PCDHGA1: variants seen among roughly 807,000 people sequenced by gnomAD.
PCDHGA1 encodes the protein protocadherin gamma-A1.
A neutral mutation model predicts 58.0 loss-of-function variants in PCDHGA1; 32 were observed. The observed-to-expected ratio is 0.55, with a 90% CI of 0.42 to 0.74. The LOEUF (loss-of-function observed/expected upper bound fraction) is 0.74. Ranked by LOEUF, PCDHGA1 falls within the 30% of genes least tolerant of loss-of-function variation. The pLI is 0.00. For missense variants in PCDHGA1, 1,205 were observed against 1,182.3 expected, an observed-to-expected ratio of 1.02 and a Z score of -0.28; for synonymous variants, 498 against 501.1, an observed-to-expected ratio of 0.99 and a Z score of 0.08.
chr5:141,424,504 G>A (rs1357608806), intron 1 of PCDHGA1: 2 of 152,134 alleles, frequency 1.3e-5, no homozygotes, highest in East Asian at 1.9e-4. Flanking sequence ...TGTATGGAAG[G>A]TTTTTTAATG....
At chr5:141,355,864 C>A in intron 1 of PCDHGA1, 6 of 1,612,570 alleles carry the variant, frequency 3.7e-6, no homozygotes, top group South Asian at 3.3e-5. Flanking sequence ...TGACCCGGTT[C>A]GCTCTGGCAC....
At chr5:141,409,447 A>G (rs764648085) in intron 1 of PCDHGA1, 3 of 1,614,008 alleles carry the variant, frequency 1.9e-6, no homozygotes, top group Admixed American at 1.7e-5. Flanking sequence ...GAGAGCAGAC[A>G]CCAGAATACA....
In PCDHGA1 at chr5:141,485,219, A is replaced by C. The variant is rs954128321; in HGVS notation, c.2422-9588A>C. 20 of 1,613,930 alleles carry C rather than the reference A, an allele frequency of 1.2e-5. No individual in the cohort carries two copies. The highest frequency in any genetic ancestry group is 1.6e-5 in the Non-Finnish European group (19 of 1,179,944). On this transcript the variant is annotated intron_variant, in intron 1 of 3. Coordinates refer to ENST00000517417, the MANE Select transcript of PCDHGA1 (RefSeq NM_018912.3). The surrounding 1 kb of genome is among the most constrained non-coding windows in gnomAD (Gnocchi z 5.7). The stretch of plus-strand genomic sequence containing the variant: ...CTGGACAGAAATCTGGCGGTGGGCT[A>C]CCCTTTTGTTCCTCTTTTACCACCT...
At chr5:141,338,960 G>C (rs780062832) in intron 1 of PCDHGA1, 1 of 1,524,800 alleles carries the variant, frequency 6.6e-7, no homozygotes, top group East Asian at 2.3e-5. Flanking sequence ...AGAAAATTGC[G>C]ACAGGAGGGA....
chr5:141,339,716 A>T lies in PCDHGA1; in HGVS notation c.2421+6611A>T, dbSNP rs150706052. Reference sequence around the variant, plus strand: ...TGTTTTTACACAGCCCGAGTACCGCATAAGCATTCCGGAGAATACGCTCGT... The same window carrying T: ...TGTTTTTACACAGCCCGAGTACCGCTTAAGCATTCCGGAGAATACGCTCGT... On this transcript the variant is annotated intron_variant, in intron 1 of 3. Coordinates refer to ENST00000517417, the MANE Select transcript of PCDHGA1 (RefSeq NM_018912.3). The T allele has an allele frequency of 5.1e-3, 8,256 of 1,614,180 alleles. 45 individuals carry two copies. The highest frequency in any genetic ancestry group is 9.4e-3 in the Admixed American group (562 of 60,022).
At position 141,491,134 on chromosome 5, in the gene PCDHGA1, C is replaced by T. The variant is rs1594979273; in HGVS notation, c.2422-3673C>T. Reference sequence around the variant, plus strand: ...ACACACTGGTGAGGTGCGCACAGCCCGGGCCTTACTGGAGGATGACTCTGA... The same window carrying T: ...ACACACTGGTGAGGTGCGCACAGCCTGGGCCTTACTGGAGGATGACTCTGA... On this transcript the variant is annotated intron_variant, in intron 1 of 3. Transcript: ENST00000517417. The surrounding 1 kb of genome is among the most constrained non-coding windows in gnomAD (Gnocchi z 6.9). The T allele has an allele frequency of 6.2e-7, 1 of 1,614,138 alleles. No homozygotes were observed. Among genetic ancestry groups the T allele is most frequent in the Non-Finnish European group, 8.5e-7 (1 of 1,179,994 alleles).
At chr5:141,427,396 A>G (rs1303085720) in intron 1 of PCDHGA1, 1 of 460,578 alleles carries the variant, frequency 2.2e-6, no homozygotes, top group Non-Finnish European at 4.4e-6. Context: ...AAAACACATG[A>G]TAAAGATTCG....
At chr5:141,420,770 T>G (rs1485978181) in intron 1 of PCDHGA1, among the ~76,000 whole-genome samples, 1 of 152,202 alleles carries the variant, frequency 6.6e-6, no homozygotes, top group Non-Finnish European at 1.5e-5. Flanking sequence ...AGTTTTCAGC[T>G]CCAGTAATAT....
chr5:141,432,652 C>T lies in PCDHGA1; in HGVS notation c.2422-62155C>T, dbSNP rs1004936183. On this transcript the variant is annotated intron_variant, in intron 1 of 3. Transcript: ENST00000517417. This position sits in a 1 kb window ranked among gnomAD's most constrained non-coding sequence, Gnocchi z 6.0. ...CGGGCGAGGTGCGCACGGCGCGAGC[C>T]CTGCTGGACAGAGACGCGCTCAAGC... The T allele has an allele frequency of 6.2e-7, 1 of 1,613,836 alleles. No individual in the cohort carries two copies. Among genetic ancestry groups the T allele is most frequent in the East Asian group, 2.2e-5 (1 of 44,860 alleles).
chr5:141,358,696 T>C (rs1009340970), intron 1 of PCDHGA1, among the ~76,000 whole-genome samples: 8 of 152,236 alleles, frequency 5.3e-5, no homozygotes, highest in African/African-American at 1.9e-4. Context: ...GACATCACTA[T>C]TGAGACTTTC....
At chr5:141,356,615 T>C (rs1760275066) in intron 1 of PCDHGA1, 1 of 1,614,194 alleles carries the variant, frequency 6.2e-7, no homozygotes, top group African/African-American at 1.3e-5. Flanking sequence ...GCCTCCATCT[T>C]ATCTATGACT....
chr5:141,393,464 C>T (rs1264655164), intron 1 of PCDHGA1: 10 of 1,613,912 alleles, frequency 6.2e-6, no homozygotes, highest in African/African-American at 2.7e-5. Context: ...CCTCGGATGG[C>T]GGCAAGCCGC....
In PCDHGA1 at chr5:141,390,024, C is replaced by T. The variant is rs1449274096; in HGVS notation, c.2421+56919C>T. ...GATTCTGGCCATTGCCTTGCGCCTG[C>T]GACGCTCCTCCAGCCCCGCCTCCTG... On this transcript the variant is annotated intron_variant, in intron 1 of 3. Transcript: ENST00000517417. 6 of 1,613,926 alleles carry T rather than the reference C, an allele frequency of 3.7e-6. No homozygotes were observed. In the African/African-American group the frequency reaches 4.0e-5, roughly 11 times the overall value.
intron 1 of PCDHGA1, among the ~76,000 whole-genome samples, chr5:141,472,992 A>G (rs2099309983): frequency 6.6e-6 from 1 of 151,994 alleles, no homozygotes; most frequent in South Asian, 2.1e-4. Context: ...AAAAAAAAAA[A>G]AAAAAGAAAG....
Position 141,331,344 on chromosome 5 carries a change from A to T in PCDHGA1, c.660A>T (p.Pro220=), listed in dbSNP as rs944109297. The change falls in exon 1 of 4, where the codon CCA becomes CCT. Residue 220 remains proline, a synonymous_variant. Transcript: ENST00000517417. Reference sequence around the variant, plus strand: ...TCACAGCTTCTGATGGGGGTGAACCAGTCCGTTCAGGGACCCTCAGAATTT... The same window carrying T: ...TCACAGCTTCTGATGGGGGTGAACCTGTCCGTTCAGGGACCCTCAGAATTT... ...LILTASDGGE[P]VRSGTLRIYI... 2.5e-6 allele frequency: 4 copies of T among 1,614,218 alleles called. No homozygotes were observed. The highest frequency in any genetic ancestry group is 2.7e-5 in the African/African-American group (2 of 75,056).
At chr5:141,474,148 A>G (rs773360112) in intron 1 of PCDHGA1, among the ~76,000 whole-genome samples, 4 of 152,244 alleles carry the variant, frequency 2.6e-5, no homozygotes, top group Non-Finnish European at 5.9e-5. Context: ...CTTATTATCA[A>G]GAAAATGACA....
intron 1 of PCDHGA1, chr5:141,376,347 A>G (rs1218451115): frequency 6.2e-7 from 1 of 1,614,056 alleles, no homozygotes; most frequent in Non-Finnish European, 8.5e-7. Flanking sequence ...ACCTATTCCC[A>G]CGAGGTCTCA....
At chr5:141,504,961 G>A (rs995382728) in intron 2 of PCDHGA1, among the ~76,000 whole-genome samples, 2 of 151,928 alleles carry the variant, frequency 1.3e-5, no homozygotes, top group Non-Finnish European at 2.9e-5. Flanking sequence ...TCAATGCATT[G>A]GACCAGCCTG....
At chr5:141,388,965 G>A in intron 1 of PCDHGA1, 2 of 1,613,978 alleles carry the variant, frequency 1.2e-6, no homozygotes, top group Non-Finnish European at 1.7e-6. Flanking sequence ...CGCCGAGCTG[G>A]GAACACATAT....
Sources: allele counts gnomAD v4.1 joint callset (sites outside exome capture counted in the v4.1 genomes callset), GRCh38; gene constraint gnomAD v4.1.1; non-coding constraint Gnocchi (gnomAD v3.1); transcripts MANE v1.5; gene names NCBI Gene and HGNC (gene_info 2026-07-23, HGNC 2026-07-21).